Variants in PRX observed in about 807,000 individuals in gnomAD.
PRX encodes the protein periaxin.
A neutral mutation model predicts 29.6 loss-of-function variants in PRX; 24 were observed. The observed-to-expected ratio is 0.81, with a 90% CI of 0.59 to 1.14. The LOEUF (loss-of-function observed/expected upper bound fraction) is 1.14, where lower values mean the gene tolerates loss of function less well. Ranked by LOEUF, PRX falls within the 50% of genes most tolerant of loss-of-function variation. PRX has a pLI of 0.00. For missense variants in PRX, 1,838 were observed against 1,926.4 expected (o/e 0.95, Z 0.86); for synonymous variants, 772 against 831.7 (o/e 0.93, Z 1.24).
At position 40,396,402 on chromosome 19, in the gene PRX, G is replaced by A. The variant is rs761824931; in HGVS notation, c.1950C>T (p.Pro650=). 16 of 1,612,704 alleles carry A rather than the reference G, an allele frequency of 9.9e-6. No individual in the cohort carries two copies. Among genetic ancestry groups the A allele is most frequent in the South Asian group, 4.4e-5 (4 of 91,002 alleles). ...GCTGCACTTCCGGGAGGTGCACATC[G>A]GGCACAGCCATCTCGGGCACCTTCG... The part of the protein sequence containing the change: ...KLPKVPEMAV[P]DVHLPEVQLP... Residue 650 remains proline (P), a synonymous_variant, in exon 7 of 7, where the codon CCC becomes CCT. Coordinates refer to ENST00000324001, the MANE Select transcript of PRX (RefSeq NM_181882.3).
intron 5 of PRX, among the ~76,000 whole-genome samples, chr19:40,400,592 C>CAAAAAAAAAAAAAAAAAAAAAAAAAA (rs71171569): frequency 1.3e-4 from 6 of 44,830 alleles, no homozygotes; most frequent in Non-Finnish European, 1.9e-4. Flanking sequence ...AATTCCATCT[C>CAAAAAAAAAAAAAAAAAAAAAAAAAA]AAAAAAAAAA....
rs1178106397 is a variant in PRX at position 40,407,979 on chromosome 19, C to T, written c.-47G>A. Reference sequence around the variant, plus strand: ...CACCCCAGGCTCCTGTGTCCTCTCCCCTTTCTGCTGCAGAACCAGCTTCAG... The same window carrying T: ...CACCCCAGGCTCCTGTGTCCTCTCCTCTTTCTGCTGCAGAACCAGCTTCAG... On this transcript the variant is annotated 5_prime_UTR_variant, in exon 4 of 7. Transcript: ENST00000324001. The T allele has an allele frequency of 1.2e-6, 2 of 1,613,028 alleles. No homozygotes were observed. The highest frequency in any genetic ancestry group is 3.3e-5 in the Admixed American group (2 of 60,018).
At position 40,401,831 on chromosome 19, in the gene PRX, G is replaced by A. The variant is rs565250862; in HGVS notation, c.184+1875C>T. On this transcript the variant is annotated intron_variant, in intron 5 of 6. Transcript: ENST00000324001. ...CGCCCAGGCTGGAGTGAAGTGGCGC[G>A]AACTCGGCTTACTGCAACCTTAAGC... is the stretch of plus-strand genomic sequence containing the variant. Among the ~76,000 whole-genome samples, 18 of 150,018 alleles carry A rather than the reference G, an allele frequency of 1.2e-4. No individual in the cohort carries two copies. The East Asian group carries it at 2.7e-3, about 23-fold the overall frequency.
intron 5 of PRX, 93 bp downstream of exon 5, chr19:40,403,613 C>T (rs1413502912): frequency 7.0e-7 from 1 of 1,428,512 alleles, no homozygotes; most frequent in Non-Finnish European, 9.3e-7. Flanking sequence ...CGCCCCCATC[C>T]CCCGGTCAGT....
At position 40,395,635 on chromosome 19, in the gene PRX, G is replaced by C. The variant is rs766388687; in HGVS notation, c.2717C>G (p.Pro906Arg). ...CTCAATTTCCACGGCGGGCAGCTGT[G>C]GGGTGACAATTTCAACAGAGGGCAC... ...FRVPSVEIVT[P>R]QLPAVEIEEG... The change falls in exon 7 of 7, where the codon CCA (proline) becomes CGA (arginine). Residue 906 changes from proline (P) to arginine (R), a missense_variant. Around this residue, in one of 3 missense-constraint regions of PRX, gnomAD observed 1,143 missense variants for 1,193.0 expected, o/e 0.96. Coordinates refer to ENST00000324001, the MANE Select transcript of PRX (RefSeq NM_181882.3). The C allele has an allele frequency of 6.8e-6, 11 of 1,614,050 alleles. 1 individual carries two copies. The South Asian group carries it at 9.9e-5, about 14-fold the overall frequency.
At chr19:40,404,424 T>TGG (rs71171571) in intron 4 of PRX, among the ~76,000 whole-genome samples, 15,601 of 64,836 alleles carry the variant, frequency 0.24, 1,195 homozygotes, top group Non-Finnish European at 0.3. Context: ...AGGGCGGGGC[T>TGG]GGGGGGGGTT....
chr19:40,394,798 A>G lies in PRX; in HGVS notation c.3554T>C (p.Val1185Ala), dbSNP rs2079414869. The change falls in exon 7 of 7, where the codon GTT becomes GCT. Residue 1185 changes from valine (V) to alanine (A), a missense_variant. Physicochemically the swap from Val to Ala is moderately conservative, Grantham distance 64 (BLOSUM62 0). This residue lies in a region of PRX where 1,143 missense variants were observed against 1,193.0 expected (regional missense o/e 0.96). Transcript: ENST00000324001. This position sits in a 1 kb window ranked among gnomAD's most constrained non-coding sequence, Gnocchi z 5.8. ...AGACAGGGTCACCTGGGGCACCTGA[A>G]CCCTGTAGCCTGCTGTGCCCTCTGC... ...PSAEGTAGYR[V>A]QVPQVTLSLP... 1 of 1,613,118 alleles carries G rather than the reference A, an allele frequency of 6.2e-7. No homozygotes were observed. Among genetic ancestry groups the G allele is most frequent in the South Asian group, 1.1e-5 (1 of 91,048 alleles).
At position 40,396,397 on chromosome 19, in the gene PRX, A is replaced by C. The variant is rs963617308; in HGVS notation, c.1955T>G (p.Val652Gly). The C allele has an allele frequency of 6.2e-7, 1 of 1,613,670 alleles. No individual in the cohort carries two copies. The highest frequency in any genetic ancestry group is 1.3e-5 in the African/African-American group (1 of 74,760). ...CGGGAGCTGCACTTCCGGGAGGTGC[A>C]CATCGGGCACAGCCATCTCGGGCAC... ...PKVPEMAVPDVHLPEVQLPKV... is the reference protein window; with the variant it reads ...PKVPEMAVPDGHLPEVQLPKV... Residue 652 changes from valine (V) to glycine (G), a missense_variant, in exon 7 of 7, where the codon GTG becomes GGG. Transcript: ENST00000324001.
chr19:40,409,859 C>T (rs1481558670), intron 1 of PRX, among the ~76,000 whole-genome samples: 1 of 152,144 alleles, frequency 6.6e-6, no homozygotes, highest in East Asian at 1.9e-4. Context: ...CTCAGCACAG[C>T]CTTGTGCAAT....
chr19:40,397,224 C>T lies in PRX; in HGVS notation c.1128G>A (p.Lys376=). The T allele has an allele frequency of 6.2e-7, 1 of 1,613,942 alleles. No homozygotes were observed. The change falls in exon 7 of 7, where the codon AAG becomes AAA. Residue 376 remains lysine (K), a synonymous_variant. Coordinates refer to ENST00000324001, the MANE Select transcript of PRX (RefSeq NM_181882.3). ...GARAKEVAEA[K]VAKVSPEARV... is the part of the protein sequence containing the mutation. ...TGGCCTCAGGGCTGACCTTGGCTAC[C>T]TTGGCCTCAGCAACTTCCTTTGCTC...
In PRX at chr19:40,393,990, C is replaced by T; in HGVS notation, c.4362G>A (p.Glu1454=). 2 of 1,613,332 alleles carry T rather than the reference C, an allele frequency of 1.2e-6. No individual in the cohort carries two copies. The highest frequency in any genetic ancestry group is 2.7e-5 in the African/African-American group (2 of 75,050). ...ETGAPGPARM[E]GAQAAAV ...TTCAGACAGCCGCAGCCTGAGCCCC[C>T]TCCATCCTGGCCGGGCCTGGAGCCC... Residue 1454 remains glutamate, a synonymous_variant, in exon 7 of 7, where the codon GAG becomes GAA. Coordinates refer to ENST00000324001, the MANE Select transcript of PRX (RefSeq NM_181882.3).
At chr19:40,404,053 C>T (rs1453986291) in intron 4 of PRX, among the ~76,000 whole-genome samples, 191 bp from the exon 5 acceptor site, 3 of 152,346 alleles carry the variant, frequency 2.0e-5, no homozygotes, top group East Asian at 1.9e-4. Flanking sequence ...ATCCTCCCGC[C>T]TCGGCCTCCC....
rs1231218810 is a variant in PRX, at chr19:40,408,222, G to T, written c.-164C>A. The T allele has an allele frequency of 3.5e-6, 2 of 563,612 alleles. No individual in the cohort carries two copies. Among genetic ancestry groups the T allele is most frequent in the Non-Finnish European group, 6.4e-6 (2 of 312,352 alleles). The allele number at this position is 563,612 out of a possible 1,614,324, so 34.9% of individuals were successfully genotyped here. On this transcript the variant is annotated 5_prime_UTR_variant, in exon 3 of 7. Transcript: ENST00000324001. ...AGCCCGAGGTGCCGCACAGCTGTCT[G>T]CAGGGCTCACGCCCTTCCGTGGGGT... is the stretch of plus-strand genomic sequence containing the variant.
rs1354024109 is a variant in PRX, at chr19:40,398,585, C to T, written c.381+35G>A. 5.0e-6 allele frequency: 8 copies of T among 1,609,908 alleles called. No individual in the cohort carries two copies. Among genetic ancestry groups the T allele is most frequent in the Non-Finnish European group, 6.8e-6 (8 of 1,178,562 alleles). ...CGGCGCAGAGACCGGATCGCTGGGG[C>T]AGTCCAGGGCCGGGGCCGGGCTAAG... is the stretch of plus-strand genomic sequence containing the variant. On this transcript the variant is annotated intron_variant, in intron 6 of 6. Transcript: ENST00000324001. This position sits in a 1 kb window ranked among gnomAD's most constrained non-coding sequence, Gnocchi z 6.3.
chr19:40,398,301 A>G lies in PRX; in HGVS notation c.381+319T>C. 1 of 1,421,604 alleles carries G rather than the reference A, an allele frequency of 7.0e-7. No individual in the cohort carries two copies. Among genetic ancestry groups the G allele is most frequent in the Non-Finnish European group, 9.2e-7 (1 of 1,091,852 alleles). 88.1% of individuals were successfully genotyped at this position (1,421,604 alleles called of 1,614,324 possible). The stretch of plus-strand genomic sequence containing the variant: ...GAAACAACTTTGTCCAGGGCCACTC[A>G]GCAGTAATTGGGCCAGCACTCAGGC... On this transcript the variant is annotated intron_variant, in intron 6 of 6. Transcript: ENST00000324001. The surrounding 1 kb of genome is among the most constrained non-coding windows in gnomAD (Gnocchi z 6.3).
At chr19:40,409,949 G>A (rs183421597) in intron 1 of PRX, among the ~76,000 whole-genome samples, 1 of 152,222 alleles carries the variant, frequency 6.6e-6, no homozygotes, top group Non-Finnish European at 1.5e-5. Context: ...ACAAATGGTC[G>A]AGCCAGGACT....
In PRX at chr19:40,394,375, G is replaced by A. The variant is rs1276245134; in HGVS notation, c.3977C>T (p.Ala1326Val). 1 of 1,602,590 alleles carries A rather than the reference G, an allele frequency of 6.2e-7. No homozygotes were observed. The highest frequency in any genetic ancestry group is 8.5e-7 in the Non-Finnish European group (1 of 1,174,410). Residue 1326 changes from alanine to valine, a missense_variant, in exon 7 of 7, where the codon GCC becomes GTC. Physicochemically the swap from Ala to Val is moderately conservative, Grantham distance 64. This residue lies in a region of PRX where 1,143 missense variants were observed against 1,193.0 expected (regional missense o/e 0.96). Transcript: ENST00000324001. The surrounding 1 kb of genome is among the most constrained non-coding windows in gnomAD (Gnocchi z 5.8). ...GGGCAGCCTGAGTTTGGGGCTCTTG[G>A]CCTTCTCACCCTCCTCGGCCCCCTC... ...AKEGAEEGEK[A>V]KSPKLRLPRV...
chr19:40,412,988 A>C (rs765035146), intron 1 of PRX, among the ~76,000 whole-genome samples: 3 of 152,124 alleles, frequency 2.0e-5, no homozygotes, highest in Non-Finnish European at 2.9e-5. Flanking sequence ...CAGCCTCCCA[A>C]AGTGCTGGGA....
chr19:40,398,399 C>T lies in PRX; in HGVS notation c.381+221G>A, dbSNP rs969023478. The T allele has an allele frequency of 6.2e-6, 9 of 1,459,726 alleles. No homozygotes were observed. Among genetic ancestry groups the T allele is most frequent in the Non-Finnish European group, 8.1e-6 (9 of 1,113,432 alleles). The allele number at this position is 1,459,726 out of a possible 1,614,324, so 90.4% of individuals were successfully genotyped here. A position where few individuals can be genotyped will look rare whatever the true frequency, so the allele number is the denominator to read the frequency against. The stretch of plus-strand genomic sequence containing the variant: ...GCAAGCCTGGATCCGATGGTGGGGA[C>T]GCCTCTCCGAGGTGGGTGAGGGCCC... On this transcript the variant is annotated intron_variant, in intron 6 of 6. Coordinates refer to ENST00000324001, the MANE Select transcript of PRX (RefSeq NM_181882.3). The surrounding 1 kb of genome is among the most constrained non-coding windows in gnomAD (Gnocchi z 6.3).
Sources: gnomAD v4.1 joint callset for allele counts (sites outside exome capture counted in the v4.1 genomes callset) on GRCh38, gnomAD v4.1.1 for gene constraint, gnomAD v4.1.1 regional missense constraint, Gnocchi (gnomAD v3.1) non-coding constraint, MANE v1.5 for transcripts, NCBI Gene and HGNC (gene_info 2026-07-23, HGNC 2026-07-21) for gene names.